The following RNF19A variants were observed in gnomAD, a reference collection of about 807,000 sequenced individuals.
RNF19A encodes the protein ring finger protein 19A, RBR E3 ubiquitin protein ligase.
In RNF19A, 32 loss-of-function variants were observed where a neutral mutation model predicts 75.7. The ratio of observed to expected loss-of-function variants is 0.42; its 90% confidence interval spans 0.32 to 0.57. The LOEUF is 0.57. Among genes scored for constraint, RNF19A ranks in the 20% least tolerant of loss-of-function variants. The pLI, the probability that RNF19A is intolerant of heterozygous loss-of-function variation, is 0.10. For missense variants in RNF19A, 782 were observed against 1,036.3 expected (o/e 0.75, Z 3.37); for synonymous variants, 335 against 345.2 (o/e 0.97, Z 0.33).
intron 2 of RNF19A, among the ~76,000 whole-genome samples, chr8:100,279,915 C>T (rs927236123): frequency 1.3e-5 from 2 of 152,152 alleles, no homozygotes; most frequent in African/African-American, 4.8e-5. Flanking sequence ...CCACCTTGGC[C>T]TCCCAAAGTG....
intron 2 of RNF19A, among the ~76,000 whole-genome samples, chr8:100,278,630 T>C (rs2129776002): frequency 6.6e-6 from 1 of 152,294 alleles, no homozygotes; most frequent in Non-Finnish European, 1.5e-5. Flanking sequence ...CAAATAAGTA[T>C]TTATAAAAAT....
At chr8:100,326,002 T>C (rs780198270) in intron 1 of RNF19A, among the ~76,000 whole-genome samples, 14 of 152,232 alleles carry the variant, frequency 9.2e-5, no homozygotes, top group Admixed American at 4.6e-4. Flanking sequence ...ATCTATGTGC[T>C]ACAAAGCTAT....
intron 1 of RNF19A, among the ~76,000 whole-genome samples, chr8:100,296,415 A>G (rs1821567542): frequency 6.6e-6 from 1 of 152,218 alleles, no homozygotes; most frequent in African/African-American, 2.4e-5. Flanking sequence ...TCCGGGCATT[A>G]TTCTTACTGC....
intron 1 of RNF19A, among the ~76,000 whole-genome samples, chr8:100,316,631 T>C (rs945436348): frequency 3.3e-5 from 5 of 152,118 alleles, no homozygotes; most frequent in African/African-American, 1.2e-4. Context: ...AGGGTGCTGA[T>C]TGGTATGTTT....
rs202182583 is a variant in RNF19A, at chr8:100,258,552, G to A, written c.*4C>T. 26 of 1,598,086 alleles carry A rather than the reference G, an allele frequency of 1.6e-5. No homozygotes were observed. The Middle Eastern group carries it at 1.3e-3, about 82-fold the overall frequency. ...GTGGTAATTATTCTGCAGCATTTAT[G>A]GGCCTAAATTTCAGTCTGAATTGCA... On this transcript the variant is annotated 3_prime_UTR_variant, in exon 10 of 10. Transcript: ENST00000341084. This position sits in a 1 kb window ranked among gnomAD's most constrained non-coding sequence, Gnocchi z 4.3.
At chr8:100,268,741 GA>G in intron 5 of RNF19A, 43 bp downstream of exon 5, 8 of 1,102,188 alleles carry the variant, frequency 7.3e-6, no homozygotes, top group Non-Finnish European at 9.7e-6. Flanking sequence ...TACACCTAAA[GA>G]TTTAGAATAA....
At chr8:100,276,221 G>A (rs1027987753) in intron 2 of RNF19A, among the ~76,000 whole-genome samples, 1 of 152,136 alleles carries the variant, frequency 6.6e-6, no homozygotes, top group African/African-American at 2.4e-5. Flanking sequence ...AAGGTAAATG[G>A]TTAAATAAGC....
Position 100,260,841 on chromosome 8 carries a change from C to A in RNF19A, c.1682+701G>T, listed in dbSNP as rs1014796084. ...AGCAAGCATTAATACATAAAAGGAC[C>A]CTAGCCGATTATCCCGGTCCCAGTT... On this transcript the variant is annotated intron_variant, in intron 8 of 9. Coordinates refer to ENST00000341084, the MANE Select transcript of RNF19A (RefSeq NM_183419.4). The surrounding 1 kb of genome is among the most constrained non-coding windows in gnomAD (Gnocchi z 4.1). Among the ~76,000 whole-genome samples, 1 of 152,000 alleles carries A rather than the reference C, an allele frequency of 6.6e-6. No homozygotes were observed. The highest frequency in any genetic ancestry group is 1.5e-5 in the Non-Finnish European group (1 of 68,010).
chr8:100,303,046 A>G (rs1466355456), intron 1 of RNF19A: 1 of 152,242 alleles, frequency 6.6e-6, no homozygotes, highest in Non-Finnish European at 1.5e-5. Flanking sequence ...TAAAACAACG[A>G]TAATTAGAGA....
chr8:100,278,517 T>C (rs1028080610), intron 2 of RNF19A, among the ~76,000 whole-genome samples: 3 of 152,200 alleles, frequency 2.0e-5, no homozygotes, highest in African/African-American at 7.2e-5. Context: ...TTTAGGTACA[T>C]GCTTAACTTT....
intron 1 of RNF19A, among the ~76,000 whole-genome samples, chr8:100,334,076 T>A (rs1407972770): frequency 2.0e-5 from 3 of 152,282 alleles, no homozygotes; most frequent in Admixed American, 2.0e-4. Context: ...TTCTGTTCAC[T>A]GTGCTTGTAA....
chr8:100,259,217 T>G lies in RNF19A; in HGVS notation c.1856A>C (p.Asp619Ala). 1 of 1,613,238 alleles carries G rather than the reference T, an allele frequency of 6.2e-7. No homozygotes were observed. The highest frequency in any genetic ancestry group is 2.2e-5 in the East Asian group (1 of 44,876). The change falls in exon 10 of 10, where the codon GAT (aspartate) becomes GCT (alanine). Residue 619 changes from aspartate (D) to alanine (A), a missense_variant. Physicochemically the swap from Asp to Ala is moderately radical, Grantham distance 126. Coordinates refer to ENST00000341084, the MANE Select transcript of RNF19A (RefSeq NM_183419.4). This position sits in a 1 kb window ranked among gnomAD's most constrained non-coding sequence, Gnocchi z 4.5. ...GAATTTGGATGGCTTTGACTCAATA[T>G]CTACTTGCACCTCCATACTGTTGCC... ...KEGNSMEVQV[D>A]IESKPSKFRH...
rs892553350 is a variant in RNF19A, at chr8:100,257,335, G to T, written c.*1221C>A. 4.0e-5 allele frequency: 6 copies of T among 150,976 alleles called. No homozygotes were observed. Among genetic ancestry groups the T allele is most frequent in the African/African-American group, 1.3e-4 (5 of 39,960 alleles). 9.4% of individuals were successfully genotyped at this position (150,976 alleles called of 1,614,324 possible). A position where few individuals can be genotyped will look rare whatever the true frequency, so the allele number is the denominator to read the frequency against. ...ATACATAAGATAGAACATTTTAACT[G>T]CTATCATTGAGGTTAACCTGCTTTT... On this transcript the variant is annotated 3_prime_UTR_variant, in exon 10 of 10. Transcript: ENST00000341084.
intron 2 of RNF19A, among the ~76,000 whole-genome samples, chr8:100,286,779 A>G (rs1001525688): frequency 1.3e-5 from 2 of 152,190 alleles, no homozygotes; most frequent in African/African-American, 2.4e-5. Flanking sequence ...TATCACATTA[A>G]TTGTTTGTGG....
intron 5 of RNF19A, among the ~76,000 whole-genome samples, chr8:100,265,911 C>G (rs531849697): frequency 6.6e-6 from 1 of 152,188 alleles, no homozygotes; most frequent in Non-Finnish European, 1.5e-5. Flanking sequence ...TCCCAAGGTA[C>G]CTTTCATTAT....
chr8:100,261,401 A>T lies in RNF19A; in HGVS notation c.1682+141T>A. On this transcript the variant is annotated intron_variant, in intron 8 of 9. Transcript: ENST00000341084. The surrounding 1 kb of genome is among the most constrained non-coding windows in gnomAD (Gnocchi z 4.4). ...GCGTGAGCCACTGCACCTGGCCCCA[A>T]ATTTCATTTTTAACATTACTATTTT... is the stretch of plus-strand genomic sequence containing the variant. The T allele has an allele frequency of 1.3e-6, 1 of 786,018 alleles. No individual in the cohort carries two copies. Among genetic ancestry groups the T allele is most frequent in the Non-Finnish European group, 2.0e-6 (1 of 491,546 alleles). The allele number at this position is 786,018 out of a possible 1,614,324, so 48.7% of individuals were successfully genotyped here.
chr8:100,316,737 T>C (rs1271426457), intron 1 of RNF19A, among the ~76,000 whole-genome samples: 1 of 152,188 alleles, frequency 6.6e-6, no homozygotes, highest in Non-Finnish European at 1.5e-5. Context: ...AGGGCTGCAG[T>C]TGGAGCTGCC....
chr8:100,259,196 T>C lies in RNF19A; in HGVS notation c.1877A>G (p.Lys626Arg). The change falls in exon 10 of 10, where the codon AAA becomes AGA. Residue 626 changes from lysine to arginine, a missense_variant. Lys to Arg is a conservative substitution (Grantham distance 26). This residue lies in a region of RNF19A where 442 missense variants were observed against 541.6 expected (regional missense o/e 0.82). Coordinates refer to ENST00000341084, the MANE Select transcript of RNF19A (RefSeq NM_183419.4). This position sits in a 1 kb window ranked among gnomAD's most constrained non-coding sequence, Gnocchi z 4.5. ...VQVDIESKPS[K>R]FRHNSGSSSV... Reference sequence around the variant, plus strand: ...ACTGCTTCCACTGTTGTGCCTGAATTTGGATGGCTTTGACTCAATATCTAC... The same window carrying C: ...ACTGCTTCCACTGTTGTGCCTGAATCTGGATGGCTTTGACTCAATATCTAC... The C allele has an allele frequency of 6.2e-7, 1 of 1,613,896 alleles. No homozygotes were observed. The highest frequency in any genetic ancestry group is 8.5e-7 in the Non-Finnish European group (1 of 1,180,014).
At chr8:100,267,670 TGTTA>T (rs970759194) in intron 5 of RNF19A, among the ~76,000 whole-genome samples, 3 of 147,110 alleles carry the variant, frequency 2.0e-5, no homozygotes, top group Admixed American at 6.9e-5. Context: ...ATGCCCAGCT[TGTTA>T]GTTCTTTTTT....
Sources: gnomAD v4.1 joint callset for allele counts (sites outside exome capture counted in the v4.1 genomes callset) on GRCh38, gnomAD v4.1.1 for gene constraint, gnomAD v4.1.1 regional missense constraint, Gnocchi (gnomAD v3.1) non-coding constraint, MANE v1.5 for transcripts, NCBI Gene and HGNC (gene_info 2026-07-23, HGNC 2026-07-21) for gene names.